The following PIK3C2G variants were observed in gnomAD, a reference collection of about 807,000 sequenced individuals.
PIK3C2G encodes phosphatidylinositol-4-phosphate 3-kinase catalytic subunit type 2 gamma, also known as phosphatidylinositol 3-kinase C2 domain-containing subunit gamma.
A neutral mutation model predicts 181.1 loss-of-function variants in PIK3C2G; 168 were observed. That is an observed-to-expected ratio of 0.93 (90% CI 0.82 to 1.05). PIK3C2G has a LOEUF of 1.05. PIK3C2G is among the 50% of genes least tolerant of loss of function. The probability of loss-of-function intolerance (pLI) is 0.00; values close to 1 mark genes in which losing one functional copy is unlikely to be tolerated. For missense variants in PIK3C2G, 1,869 were observed against 1,732.8 expected (o/e 1.08, Z -1.40); for synonymous variants, 573 against 592.2 (o/e 0.97, Z 0.47).
In PIK3C2G at chr12:18,625,205, TTGTTA is replaced by T. The variant is rs201233641; in HGVS notation, c.4183-15214_4183-15210del. Among the ~76,000 whole-genome samples the T allele has an allele frequency of 8.3e-3, 1,256 of 151,892 alleles. 10 individuals carry two copies. Among genetic ancestry groups the T allele is most frequent in the African/African-American group, 0.013 (530 of 41,532 alleles). Reference sequence around the variant, plus strand: ...ACCTGTTTTTGCTGTATCTCATGTTTTGTTATGTTATGTTTTCATTTTTCCTTGTC... The same window carrying T: ...ACCTGTTTTTGCTGTATCTCATGTTTTGTTATGTTTTCATTTTTCCTTGTC... On this transcript the variant is annotated intron_variant, in intron 31 of 32. Transcript: ENST00000538779.
At chr12:18,446,080 A>C (rs1414361672) in intron 18 of PIK3C2G, among the ~76,000 whole-genome samples, 1 of 152,194 alleles carries the variant, frequency 6.6e-6, no homozygotes, top group Admixed American at 6.5e-5. Flanking sequence ...ATAATTAGCC[A>C]TGTTTTGAGA....
intron 1 of PIK3C2G, among the ~76,000 whole-genome samples, chr12:18,253,471 G>C (rs1215644340): frequency 6.6e-6 from 1 of 152,088 alleles, no homozygotes; most frequent in Non-Finnish European, 1.5e-5. Context: ...ACGTGTGTGT[G>C]TATATGTATA....
intron 11 of PIK3C2G, among the ~76,000 whole-genome samples, chr12:18,353,225 G>T (rs1940399888): frequency 6.6e-6 from 1 of 152,022 alleles, no homozygotes; most frequent in African/African-American, 2.4e-5. Context: ...CCTCCCTAAA[G>T]TTTACCTAAG....
chr12:18,555,086 CAGA>C (rs1414977196), intron 26 of PIK3C2G, among the ~76,000 whole-genome samples: 1 of 152,120 alleles, frequency 6.6e-6, no homozygotes, highest in African/African-American at 2.4e-5. Context: ...AATTCCTTCA[CAGA>C]AGCCTTATGA....
intron 30 of PIK3C2G, among the ~76,000 whole-genome samples, chr12:18,606,468 A>G (rs2136571719): frequency 6.6e-6 from 1 of 152,238 alleles, no homozygotes; most frequent in Non-Finnish European, 1.5e-5. Context: ...TAGTCTATAT[A>G]GTCTCTCCCA....
At chr12:18,366,354 G>A (rs760377244) in intron 12 of PIK3C2G, among the ~76,000 whole-genome samples, 6 of 152,108 alleles carry the variant, frequency 3.9e-5, no homozygotes, top group East Asian at 1.9e-4. Context: ...CCAACATGGC[G>A]AAACCCCATC....
chr12:18,670,650 C>T, the PIK3C2G span, among the ~76,000 whole-genome samples: 744 of 152,252 alleles, frequency 4.9e-3, 6 homozygotes, highest in African/African-American at 0.017. Context: ...GTGGGTAATA[C>T]ATGTCTCTAT....
At chr12:18,356,856 G>A (rs1210979728) in intron 11 of PIK3C2G, among the ~76,000 whole-genome samples, 1 of 125,352 alleles carries the variant, frequency 8.0e-6, no homozygotes, top group Non-Finnish European at 1.6e-5. Flanking sequence ...GGAGCCTGGG[G>A]TTTTTATGGT....
intron 8 of PIK3C2G, among the ~76,000 whole-genome samples, chr12:18,338,119 C>T (rs1359979056): frequency 6.6e-6 from 1 of 152,082 alleles, no homozygotes; most frequent in Non-Finnish European, 1.5e-5. Context: ...CTCTCTTTTC[C>T]TCTCCCTCTT....
At chr12:18,684,296 G>T in the PIK3C2G span, 1 of 1,588,418 alleles carries the variant, frequency 6.3e-7, no homozygotes, top group Non-Finnish European at 8.6e-7. Context: ...TATAAAAAAA[G>T]AAGATACAAA....
At chr12:18,656,860 T>C in the PIK3C2G span, among the ~76,000 whole-genome samples, 1 of 152,276 alleles carries the variant, frequency 6.6e-6, no homozygotes, top group African/African-American at 2.4e-5. Context: ...GAATGCTTAA[T>C]CAAGAAAAGA....
intron 4 of PIK3C2G, among the ~76,000 whole-genome samples, chr12:18,291,996 G>A (rs1041131749): frequency 6.6e-6 from 1 of 151,122 alleles, no homozygotes. Context: ...ATCACCTGAG[G>A]TGGGGAGTTC....
intron 22 of PIK3C2G, among the ~76,000 whole-genome samples, chr12:18,501,948 A>G (rs538934575): frequency 1.3e-3 from 201 of 152,320 alleles, no homozygotes; most frequent in African/African-American, 4.7e-3. Flanking sequence ...TTCTTCAGGA[A>G]GTATTAAATA....
chr12:18,598,331 C>T (rs1385474962), intron 30 of PIK3C2G, among the ~76,000 whole-genome samples: 1 of 151,640 alleles, frequency 6.6e-6, no homozygotes, highest in Non-Finnish European at 1.5e-5. Context: ...ACAGAGCCCT[C>T]AGAAAAAACG....
chr12:18,421,623 C>A (rs1414569555), intron 17 of PIK3C2G, among the ~76,000 whole-genome samples: 1 of 151,922 alleles, frequency 6.6e-6, no homozygotes, highest in Non-Finnish European at 1.5e-5. Flanking sequence ...CCACACATGA[C>A]CATGTAAATA....
intron 18 of PIK3C2G, among the ~76,000 whole-genome samples, chr12:18,455,351 G>A (rs1441126172): frequency 6.6e-6 from 1 of 152,034 alleles, no homozygotes; most frequent in Non-Finnish European, 1.5e-5. Context: ...TTGGGAAGGG[G>A]AGGGGGGTGG....
downstream of PIK3C2G, among the ~76,000 whole-genome samples, chr12:18,652,817 G>C (rs1005170961): frequency 1.3e-5 from 2 of 152,066 alleles, no homozygotes; most frequent in African/African-American, 4.8e-5. Flanking sequence ...TATGTCTCCA[G>C]AGAGTAGTAA....
chr12:18,343,463 C>A (rs1939338982), intron 10 of PIK3C2G, 103 bp downstream of exon 10: 3 of 577,304 alleles, frequency 5.2e-6, no homozygotes, highest in Non-Finnish European at 9.4e-6. Context: ...TGTGGTAACA[C>A]ACAACACACA....
intron 26 of PIK3C2G, among the ~76,000 whole-genome samples, 192 bp from the exon 27 acceptor site, chr12:18,562,511 T>C (rs1331604239): frequency 6.6e-6 from 1 of 152,246 alleles, no homozygotes; most frequent in Non-Finnish European, 1.5e-5. Flanking sequence ...TTCTTGTATG[T>C]TTATTTGCTA....
Sources: allele counts gnomAD v4.1 joint callset (sites outside exome capture counted in the v4.1 genomes callset), GRCh38; gene constraint gnomAD v4.1.1; transcripts MANE v1.5; gene names NCBI Gene and HGNC (gene_info 2026-07-23, HGNC 2026-07-21).